Variants in CTNNA2 observed in about 807,000 individuals in gnomAD.
CTNNA2 encodes the protein catenin alpha-2.
A neutral mutation model predicts 101.0 loss-of-function variants in CTNNA2; 42 were observed. That is an observed-to-expected ratio of 0.42 (90% CI 0.32 to 0.54). The LOEUF (loss-of-function observed/expected upper bound fraction) is 0.54. Among genes scored for constraint, CTNNA2 ranks in the 20% least tolerant of loss-of-function variants. CTNNA2 has a pLI of 0.14. For synonymous variants in CTNNA2, 450 were observed against 456.4 expected, an observed-to-expected ratio of 0.99 and a Z score of 0.18; for missense variants, 871 against 1,223.1, an observed-to-expected ratio of 0.71 and a Z score of 4.29.
intron 1 of CTNNA2, among the ~76,000 whole-genome samples, chr2:79,626,157 G>A (rs554128026): frequency 6.6e-6 from 1 of 152,288 alleles, no homozygotes; most frequent in South Asian, 2.1e-4. Context: ...CTAGGAATCA[G>A]TTCCTCAAGC....
chr2:80,340,208 T>C (rs528161866), intron 7 of CTNNA2, among the ~76,000 whole-genome samples: 46 of 152,346 alleles, frequency 3.0e-4, no homozygotes, highest in African/African-American at 6.0e-4. Flanking sequence ...GGAGCAGTCC[T>C]GCGGTTATGT....
At chr2:79,709,420 G>A (rs1685600402) in intron 2 of CTNNA2, among the ~76,000 whole-genome samples, 1 of 152,140 alleles carries the variant, frequency 6.6e-6, no homozygotes, top group South Asian at 2.1e-4. Context: ...CAATGGGAAA[G>A]TCATTGCACT....
At chr2:79,281,797 T>C (rs1462980479) in intron 2 of CTNNA2, among the ~76,000 whole-genome samples, 1 of 152,208 alleles carries the variant, frequency 6.6e-6, no homozygotes, top group Non-Finnish European at 1.5e-5. Context: ...TGCAGACATA[T>C]TTGCCTTATA....
At chr2:79,976,979 A>G (rs1690894101) in intron 7 of CTNNA2, among the ~76,000 whole-genome samples, 1 of 152,194 alleles carries the variant, frequency 6.6e-6, no homozygotes, top group African/African-American at 2.4e-5. Context: ...AATGAATCCT[A>G]TGCTAATCCA....
At chr2:80,617,035 G>A (rs1278645344) in intron 17 of CTNNA2, among the ~76,000 whole-genome samples, 1 of 151,632 alleles carries the variant, frequency 6.6e-6, no homozygotes, top group Non-Finnish European at 1.5e-5. Context: ...TTTTAAAAGT[G>A]TTTAACTCCA....
chr2:79,338,848 G>A (rs1158449394), intron 3 of CTNNA2, among the ~76,000 whole-genome samples: 1 of 152,078 alleles, frequency 6.6e-6, no homozygotes, highest in East Asian at 1.9e-4. Flanking sequence ...TAGAGAGGAA[G>A]GTGTGAAAGA....
At position 80,302,664 on chromosome 2, in the gene CTNNA2, G is replaced by T. The variant is rs949092895; in HGVS notation, c.1057-90547G>T. 8 of 1,610,568 alleles carry T rather than the reference G, an allele frequency of 5.0e-6. No individual in the cohort carries two copies. The African/African-American group carries it at 1.1e-4, about 21-fold the overall frequency. ...AGCGTGGTGGCCGAGCTGGCAGGGGGCCCCAGATCACTGCGGTTGGTGACG... is the reference window on the plus strand; with the variant it reads ...AGCGTGGTGGCCGAGCTGGCAGGGGTCCCCAGATCACTGCGGTTGGTGACG... On this transcript the variant is annotated intron_variant, in intron 7 of 18. Transcript: ENST00000402739. The surrounding 1 kb of genome is among the most constrained non-coding windows in gnomAD (Gnocchi z 6.4).
intron 4 of CTNNA2, among the ~76,000 whole-genome samples, chr2:79,439,540 G>A (rs986314722): frequency 6.6e-5 from 10 of 152,108 alleles, no homozygotes; most frequent in Non-Finnish European, 1.2e-4. Flanking sequence ...CCAATGAATC[G>A]TACGCTTTGA....
chr2:79,502,595 CGTTGAA>C (rs907547578), intron 4 of CTNNA2, among the ~76,000 whole-genome samples: 3 of 152,064 alleles, frequency 2.0e-5, no homozygotes, highest in Non-Finnish European at 4.4e-5. Context: ...AACTGATAAT[CGTTGAA>C]GCTGAGTGCT....
At chr2:79,609,281 A>G (rs1224182440) in intron 1 of CTNNA2, among the ~76,000 whole-genome samples, 1 of 152,014 alleles carries the variant, frequency 6.6e-6, no homozygotes, top group Non-Finnish European at 1.5e-5. Flanking sequence ...CAGATAACAT[A>G]TACGACAGCC....
intron 7 of CTNNA2, among the ~76,000 whole-genome samples, chr2:80,005,239 C>T (rs749530467): frequency 1.3e-5 from 2 of 152,188 alleles, no homozygotes; most frequent in Non-Finnish European, 2.9e-5. Flanking sequence ...ACTTTTACAA[C>T]GTAGAAGACA....
chr2:79,741,032 G>A (rs11681484), intron 2 of CTNNA2, among the ~76,000 whole-genome samples: 71,601 of 151,816 alleles, frequency 0.47, 17,072 homozygotes, highest in South Asian at 0.53. Context: ...GCAGTAGTGT[G>A]GAGTGGCATG....
chr2:80,015,396 G>A (rs6753378), intron 7 of CTNNA2, among the ~76,000 whole-genome samples: 83,023 of 151,958 alleles, frequency 0.55, 24,821 homozygotes, highest in East Asian at 0.72. Flanking sequence ...CACAGCCATT[G>A]CATCAAGCAA....
chr2:80,130,678 T>C (rs569212886), intron 7 of CTNNA2, among the ~76,000 whole-genome samples: 2 of 152,222 alleles, frequency 1.3e-5, no homozygotes, highest in South Asian at 4.1e-4. Context: ...GAATAGAGAA[T>C]ACTTTAACTC....
rs1263124729 is a variant in CTNNA2, at chr2:80,648,483, G to GATA, written c.*613_*614insAAT. 6.6e-6 allele frequency: 1 copy of GATA among 152,518 alleles called. No homozygotes were observed. Among genetic ancestry groups the GATA allele is most frequent in the Admixed American group, 6.6e-5 (1 of 15,254 alleles). The allele number at this position is 152,518 out of a possible 1,614,324, so 9.4% of individuals were successfully genotyped here. On this transcript the variant is annotated 3_prime_UTR_variant, in exon 19 of 19. Coordinates refer to ENST00000402739, the MANE Select transcript of CTNNA2 (RefSeq NM_001282597.3). The stretch of plus-strand genomic sequence containing the variant: ...CTCTTCTAGTTGTGCCATTACTAGT[G>GATA]ATCATGTTTTTTTCCCCCCTTTAAT...
intron 17 of CTNNA2, among the ~76,000 whole-genome samples, chr2:80,609,136 A>G (rs1248860266): frequency 1.3e-5 from 2 of 151,698 alleles, no homozygotes; most frequent in Non-Finnish European, 1.5e-5. Context: ...TTCTTTTCCC[A>G]GTCAGACATG....
chr2:80,060,156 T>C (rs1321817850), intron 7 of CTNNA2, among the ~76,000 whole-genome samples: 1 of 152,210 alleles, frequency 6.6e-6, no homozygotes, highest in Non-Finnish European at 1.5e-5. Context: ...GGTAGCCTCT[T>C]GCCCTTGACT....
chr2:79,419,374 G>C (rs1213603336), intron 4 of CTNNA2, among the ~76,000 whole-genome samples: 1 of 152,068 alleles, frequency 6.6e-6, no homozygotes, highest in African/African-American at 2.4e-5. Context: ...TAAGAATAAT[G>C]AAGTTAGTTA....
chr2:79,420,447 A>C (rs1407406036), intron 4 of CTNNA2, among the ~76,000 whole-genome samples: 1 of 152,196 alleles, frequency 6.6e-6, no homozygotes, highest in Non-Finnish European at 1.5e-5. Context: ...ACCACACTAG[A>C]AATGGACTAA....
Sources: gnomAD v4.1 joint callset for allele counts (sites outside exome capture counted in the v4.1 genomes callset) on GRCh38, gnomAD v4.1.1 for gene constraint, Gnocchi (gnomAD v3.1) non-coding constraint, MANE v1.5 for transcripts, NCBI Gene and HGNC (gene_info 2026-07-23, HGNC 2026-07-21) for gene names.